Variants in CIT observed in about 807,000 individuals in gnomAD.
The protein encoded by CIT is citron rho-interacting serine/threonine kinase, also known as citron Rho-interacting kinase.
CIT carries 79 observed loss-of-function variants against 272.7 expected under a neutral mutation model. That is an observed-to-expected ratio of 0.29 (90% CI 0.24 to 0.35). CIT has a LOEUF of 0.35. CIT is among the 10% of genes least tolerant of loss of function. The pLI is 1.00. For missense variants in CIT, 1,909 were observed against 2,618.3 expected (o/e 0.73, Z 5.91); for synonymous variants, 948 against 995.6 (o/e 0.95, Z 0.90).
chr12:119,702,299 C>G (rs545429788), intron 41 of CIT, among the ~76,000 whole-genome samples: 2 of 150,806 alleles, frequency 1.3e-5, no homozygotes, highest in Admixed American at 1.3e-4. Flanking sequence ...TCAGGATGAA[C>G]AGTGATCCAT....
At chr12:119,849,354 G>A (rs1279918951) in intron 5 of CIT, among the ~76,000 whole-genome samples, 1 of 151,848 alleles carries the variant, frequency 6.6e-6, no homozygotes, top group Admixed American at 6.6e-5. Flanking sequence ...TTGAACCTGG[G>A]AGGTGGAGAT....
At chr12:119,772,082 T>C (rs1963221854) in intron 17 of CIT, among the ~76,000 whole-genome samples, 1 of 152,040 alleles carries the variant, frequency 6.6e-6, no homozygotes, top group Non-Finnish European at 1.5e-5. Context: ...ACCAGGAGGT[T>C]CACACCAAGA....
At chr12:119,714,170 G>A (rs748094062) in intron 33 of CIT, 27 bp downstream of exon 33, 19 of 1,613,126 alleles carry the variant, frequency 1.2e-5, no homozygotes, top group Non-Finnish European at 1.5e-5. Flanking sequence ...CAGGTGCCCA[G>A]CACAGATGCA....
chr12:119,832,208 ATC>A (rs1199617697), intron 7 of CIT, among the ~76,000 whole-genome samples: 1 of 152,178 alleles, frequency 6.6e-6, no homozygotes, highest in African/African-American at 2.4e-5. Context: ...TTACTTTGTC[ATC>A]TTTTTCCTAA....
At chr12:119,778,175 T>C (rs552193395) in intron 13 of CIT, among the ~76,000 whole-genome samples, 1 of 152,318 alleles carries the variant, frequency 6.6e-6, no homozygotes, top group Non-Finnish European at 1.5e-5. Context: ...CCTGTTCCCT[T>C]GAGCAAACCC....
intron 10 of CIT, among the ~76,000 whole-genome samples, chr12:119,792,887 G>A (rs1257579214): frequency 6.6e-6 from 1 of 151,986 alleles, no homozygotes; most frequent in Non-Finnish European, 1.5e-5. Context: ...GCTTGAACCT[G>A]GGAGGCGGAG....
chr12:119,747,256 A>G (rs1476929891), intron 23 of CIT, among the ~76,000 whole-genome samples: 2 of 151,904 alleles, frequency 1.3e-5, no homozygotes, highest in East Asian at 3.9e-4. Flanking sequence ...CCCCTTCTCT[A>G]CTAAAAATTT....
intron 5 of CIT, among the ~76,000 whole-genome samples, chr12:119,838,788 T>C (rs1042013902): frequency 6.6e-6 from 1 of 152,198 alleles, no homozygotes; most frequent in Middle Eastern, 3.2e-3. Context: ...CCATCAGCAC[T>C]GAAGCCAGTG....
At chr12:119,782,477 C>T (rs750183422) in intron 13 of CIT, 41 bp downstream of exon 13, 3 of 1,605,806 alleles carry the variant, frequency 1.9e-6, no homozygotes, top group Admixed American at 3.4e-5. Context: ...GAGGTCCAAG[C>T]AAGCCGAGAT....
At chr12:119,776,882 T>C (rs1255637947) in intron 13 of CIT, 40 bp from the exon 14 acceptor site, 1 of 1,601,538 alleles carries the variant, frequency 6.2e-7, no homozygotes, top group Admixed American at 1.7e-5. Flanking sequence ...ACTTTCGAAC[T>C]CCGAAAAGAA....
In CIT at chr12:119,806,520, G is replaced by A. The variant is rs149310858; in HGVS notation, c.1112-3131C>T. ...ATTCAAGAAATTAACATGACTACTGGTCCAGGATCACTGAGCCCTTGGAGC... is the reference window on the plus strand; with the variant it reads ...ATTCAAGAAATTAACATGACTACTGATCCAGGATCACTGAGCCCTTGGAGC... On this transcript the variant is annotated intron_variant, in intron 9 of 47. Coordinates refer to ENST00000392521, the MANE Select transcript of CIT (RefSeq NM_001206999.2). Among the ~76,000 whole-genome samples the A allele has an allele frequency of 3.9e-3, 586 of 152,204 alleles. 4 individuals are homozygous for A. The highest frequency in any genetic ancestry group is 7.4e-3 in the Admixed American group (113 of 15,288).
At position 119,694,943 on chromosome 12, in the gene CIT, C is replaced by G. The variant is rs1956150241; in HGVS notation, c.5882+2716G>C. ...GATCACTGGCAGTTGTCAAAATCAA[C>G]TTTTCAGAGCTCTAGAAATTAACCC... is the stretch of plus-strand genomic sequence containing the variant. On this transcript the variant is annotated intron_variant, in intron 46 of 47. Coordinates refer to ENST00000392521, the MANE Select transcript of CIT (RefSeq NM_001206999.2). This position sits in a 1 kb window ranked among gnomAD's most constrained non-coding sequence, Gnocchi z 4.5. Among the ~76,000 whole-genome samples, 1 of 152,218 alleles carries G rather than the reference C, an allele frequency of 6.6e-6. No individual in the cohort carries two copies. Among genetic ancestry groups the G allele is most frequent in the Admixed American group, 6.5e-5 (1 of 15,288 alleles).
intron 9 of CIT, among the ~76,000 whole-genome samples, chr12:119,812,736 T>A (rs1966861650): frequency 1.4e-5 from 2 of 139,002 alleles, no homozygotes; most frequent in Non-Finnish European, 3.0e-5. Flanking sequence ...GTGAAAAGAT[T>A]TATTCTTAAT....
intron 8 of CIT, among the ~76,000 whole-genome samples, chr12:119,824,549 A>T (rs1425267996): frequency 1.3e-5 from 2 of 152,214 alleles, no homozygotes; most frequent in African/African-American, 2.4e-5. Flanking sequence ...CATTACTGGC[A>T]GCTGAGATTC....
chr12:119,783,323 G>A (rs1373415482), intron 12 of CIT: 1 of 152,228 alleles, frequency 6.6e-6, no homozygotes, highest in African/African-American at 2.4e-5. Context: ...AACTTCTTGA[G>A]ACTGTTTAAT....
chr12:119,691,642 C>A (rs11838274), intron 46 of CIT, among the ~76,000 whole-genome samples: 4 of 152,316 alleles, frequency 2.6e-5, no homozygotes, highest in Non-Finnish European at 5.9e-5. Flanking sequence ...GAAAACACTG[C>A]GGCCTTTTTG....
At chr12:119,740,269 T>G (rs1958992912) in intron 24 of CIT, among the ~76,000 whole-genome samples, 1 of 152,232 alleles carries the variant, frequency 6.6e-6, no homozygotes, top group Admixed American at 6.5e-5. Flanking sequence ...ACCAAATGCA[T>G]TCTACATACT....
chr12:119,790,402 A>T (rs1255829048), intron 10 of CIT, among the ~76,000 whole-genome samples: 1 of 152,194 alleles, frequency 6.6e-6, no homozygotes, highest in Non-Finnish European at 1.5e-5. Context: ...AATGATGGGC[A>T]ATGGGGTGCA....
In CIT at chr12:119,772,728, G is replaced by A. The variant is rs767265727; in HGVS notation, c.2082+42C>T. On this transcript the variant is annotated intron_variant, in intron 17 of 47. Transcript: ENST00000392521. ...GTTTCTTTCCTTGGGCACAGCCAAAGGCCGAGGCCGCTGGGGCCTGGGCTG... is the reference window on the plus strand; with the variant it reads ...GTTTCTTTCCTTGGGCACAGCCAAAAGCCGAGGCCGCTGGGGCCTGGGCTG... 2.0e-5 allele frequency: 31 copies of A among 1,567,778 alleles called. No homozygotes were observed. The East Asian group carries it at 6.5e-4, about 33-fold the overall frequency.
Sources: gnomAD v4.1 joint callset for allele counts (sites outside exome capture counted in the v4.1 genomes callset) on GRCh38, gnomAD v4.1.1 for gene constraint, Gnocchi (gnomAD v3.1) non-coding constraint, MANE v1.5 for transcripts, NCBI Gene and HGNC (gene_info 2026-07-23, HGNC 2026-07-21) for gene names.